The following SHISA9 variants were observed in gnomAD, a reference collection of about 807,000 sequenced individuals.
SHISA9 encodes the protein shisa family member 9, also known as protein shisa-9.
SHISA9 carries 13 observed loss-of-function variants against 38.0 expected under a neutral mutation model. The ratio of observed to expected loss-of-function variants is 0.34; its 90% CI spans 0.22 to 0.54. The LOEUF is 0.54. Ranked by LOEUF, SHISA9 falls within the 20% of genes least tolerant of loss-of-function variation. SHISA9 has a pLI of 0.91. For synonymous variants in SHISA9, 275 were observed against 242.0 expected (o/e 1.14, Z -1.27); for missense variants, 538 against 575.8 (o/e 0.93, Z 0.67).
At chr16:12,963,304 A>C (rs187497389) in intron 2 of SHISA9, among the ~76,000 whole-genome samples, 19 of 152,330 alleles carry the variant, frequency 1.2e-4, no homozygotes, top group Non-Finnish European at 2.2e-4. Context: ...GATGTAAACA[A>C]GGTCATAGTC....
chr16:13,151,223 C>T (rs2050496312), intron 2 of SHISA9, among the ~76,000 whole-genome samples: 1 of 152,190 alleles, frequency 6.6e-6, no homozygotes, highest in South Asian at 2.1e-4. Flanking sequence ...TCTCCTGCCT[C>T]AGCCTCCTGA....
chr16:13,155,245 A>G (rs931577960), intron 2 of SHISA9, among the ~76,000 whole-genome samples: 1 of 152,174 alleles, frequency 6.6e-6, no homozygotes, highest in African/African-American at 2.4e-5. Context: ...AATAGATTGG[A>G]GTGGAATGTA....
the SHISA9 span, among the ~76,000 whole-genome samples, chr16:13,352,704 G>C: frequency 8.5e-5 from 1 of 11,726 alleles, no homozygotes; most frequent in Non-Finnish European, 2.2e-4. Flanking sequence ...AGATAAGGGG[G>C]GGGGGGGGCG....
intron 2 of SHISA9, among the ~76,000 whole-genome samples, chr16:13,043,398 G>C (rs2073153720): frequency 6.6e-6 from 1 of 152,200 alleles, no homozygotes; most frequent in African/African-American, 2.4e-5. Context: ...TAAACAGCTA[G>C]CTACTTCCCA....
At chr16:13,163,584 A>T in intron 2 of SHISA9, among the ~76,000 whole-genome samples, 1 of 152,120 alleles carries the variant, frequency 6.6e-6, no homozygotes, top group East Asian at 1.9e-4. Context: ...TTGGGAAAGA[A>T]ATGATAGCTT....
At chr16:12,981,989 A>T (rs2072245642) in intron 2 of SHISA9, among the ~76,000 whole-genome samples, 1 of 152,188 alleles carries the variant, frequency 6.6e-6, no homozygotes, top group Non-Finnish European at 1.5e-5. Context: ...TCTGTTATTT[A>T]AGCCACCCAG....
chr16:13,243,022 C>T (rs539754166), downstream of SHISA9, among the ~76,000 whole-genome samples: 4 of 152,144 alleles, frequency 2.6e-5, no homozygotes, highest in African/African-American at 7.2e-5. Flanking sequence ...GGGCAGATCA[C>T]GAGGTCAGGA....
At chr16:13,374,257 G>A in the SHISA9 span, among the ~76,000 whole-genome samples, 1 of 151,302 alleles carries the variant, frequency 6.6e-6, no homozygotes, top group Non-Finnish European at 1.5e-5. Flanking sequence ...ATGTTGGTGT[G>A]CTGCACCCGT....
the SHISA9 span, among the ~76,000 whole-genome samples, chr16:13,420,318 T>C: frequency 6.7e-6 from 1 of 149,042 alleles, no homozygotes; most frequent in African/African-American, 2.5e-5. Context: ...ATTGTGTGCT[T>C]GGTGCTGTGC....
the SHISA9 span, among the ~76,000 whole-genome samples, chr16:13,284,688 C>T: frequency 3.3e-5 from 5 of 152,306 alleles, no homozygotes; most frequent in African/African-American, 1.2e-4. Flanking sequence ...GCCTCCGCCT[C>T]CTGGGTTCAA....
chr16:13,126,903 G>GGA (rs143906616), intron 2 of SHISA9, among the ~76,000 whole-genome samples: 82,417 of 117,546 alleles, frequency 0.7, 29,319 homozygotes, highest in African/African-American at 0.74. Context: ...ACTGAAAGAA[G>GGA]GAGAGAGAGA....
At chr16:13,378,664 C>G in the SHISA9 span, among the ~76,000 whole-genome samples, 2 of 152,172 alleles carry the variant, frequency 1.3e-5, no homozygotes, top group African/African-American at 2.4e-5. Flanking sequence ...TTCTCCTCTT[C>G]TAGGTGCTGA....
chr16:12,911,452 C>A, intron 1 of SHISA9: 2 of 885,798 alleles, frequency 2.3e-6, no homozygotes, highest in Non-Finnish European at 2.7e-6. Context: ...CATGAACCCA[C>A]GAACAATGAT....
chr16:13,452,717 C>T, the SHISA9 span, among the ~76,000 whole-genome samples: 1 of 152,046 alleles, frequency 6.6e-6, no homozygotes, highest in Non-Finnish European at 1.5e-5. Flanking sequence ...CTATTTGGCT[C>T]AACCTCTTCA....
Position 13,118,119 on chromosome 16 carries a change from T to A in SHISA9, c.692-85275T>A, listed in dbSNP as rs919899707. Among the ~76,000 whole-genome samples, 13 of 145,946 alleles carry A rather than the reference T, an allele frequency of 8.9e-5. No homozygotes were observed. The South Asian group carries it at 2.9e-3, about 32-fold the overall frequency. On this transcript the variant is annotated intron_variant, in intron 2 of 4. Coordinates refer to ENST00000558583, the MANE Select transcript of SHISA9 (RefSeq NM_001145204.3). Reference sequence around the variant, plus strand: ...ATGGCTTGAACCTGGGAGGCGGAGGTTGCAGTGAGTGGAGATCACGCAATT... The same window carrying A: ...ATGGCTTGAACCTGGGAGGCGGAGGATGCAGTGAGTGGAGATCACGCAATT...
chr16:13,080,258 A>G (rs1230299816), intron 2 of SHISA9, among the ~76,000 whole-genome samples: 1 of 152,214 alleles, frequency 6.6e-6, no homozygotes, highest in East Asian at 1.9e-4. Flanking sequence ...CTGTAATCCC[A>G]GCTACTTGGG....
chr16:13,390,165 A>G, the SHISA9 span, among the ~76,000 whole-genome samples: 3 of 149,918 alleles, frequency 2.0e-5, no homozygotes, highest in Non-Finnish European at 4.4e-5. Context: ...ACCAAAAGGG[A>G]TTTTTTCTCT....
At chr16:13,343,001 G>T in the SHISA9 span, among the ~76,000 whole-genome samples, 1 of 152,190 alleles carries the variant, frequency 6.6e-6, no homozygotes, top group African/African-American at 2.4e-5. Flanking sequence ...TGAGTCTGTT[G>T]TAAAGATTAA....
intron 2 of SHISA9, among the ~76,000 whole-genome samples, chr16:13,086,432 C>T (rs276637): frequency 0.19 from 28,843 of 148,720 alleles, 5,023 homozygotes; most frequent in African/African-American, 0.46. Context: ...AACAACAAAT[C>T]AGATATAGCT....
Sources: gnomAD v4.1 joint callset for allele counts (sites outside exome capture counted in the v4.1 genomes callset) on GRCh38, gnomAD v4.1.1 for gene constraint, MANE v1.5 for transcripts, NCBI Gene and HGNC (gene_info 2026-07-23, HGNC 2026-07-21) for gene names.